CCDC88C: variants seen among roughly 807,000 people sequenced by gnomAD.
CCDC88C encodes the protein coiled-coil and HOOK domain protein 88C.
CCDC88C carries 131 observed loss-of-function variants against 198.8 expected under a neutral mutation model. The ratio of observed to expected loss-of-function variants is 0.66; its 90% CI spans 0.57 to 0.76. The LOEUF (loss-of-function observed/expected upper bound fraction) is 0.76, where lower values mean the gene tolerates loss of function less well. Ranked by LOEUF, CCDC88C falls within the 30% of genes least tolerant of loss-of-function variation. The probability of loss-of-function intolerance (pLI) is 0.00; values close to 1 mark genes in which losing one functional copy is unlikely to be tolerated. For missense variants in CCDC88C, 2,553 were observed against 2,631.6 expected, an observed-to-expected ratio of 0.97 and a Z score of 0.65; for synonymous variants, 1,166 against 1,114.7, an observed-to-expected ratio of 1.05 and a Z score of -0.92.
rs777962433 is a variant in CCDC88C at position 91,273,723 on chromosome 14, G to T, written c.5059-70C>A. Reference sequence around the variant, plus strand: ...GTGGGTCCTTGGAGCCGCCTCCTGCGCGGGACGCCCCCGAGCAGCCCACGT... The same window carrying T: ...GTGGGTCCTTGGAGCCGCCTCCTGCTCGGGACGCCCCCGAGCAGCCCACGT... On this transcript the variant is annotated intron_variant, in intron 29 of 29. Coordinates refer to ENST00000389857, the MANE Select transcript of CCDC88C (RefSeq NM_001080414.4). This position sits in a 1 kb window ranked among gnomAD's most constrained non-coding sequence, Gnocchi z 5.6. The T allele has an allele frequency of 1.1e-5, 15 of 1,333,266 alleles. No individual in the cohort carries two copies. The highest frequency in any genetic ancestry group is 8.4e-5 in the Admixed American group (3 of 35,792). 82.6% of individuals were successfully genotyped at this position (1,333,266 alleles called of 1,614,324 possible).
chr14:91,347,368 G>A (rs990864303), intron 4 of CCDC88C, among the ~76,000 whole-genome samples: 1 of 152,210 alleles, frequency 6.6e-6, no homozygotes, highest in Admixed American at 6.5e-5. Flanking sequence ...AGGGAGGAAA[G>A]TGCTAGAGAG....
chr14:91,291,703 G>GGGCA (rs989444117), intron 23 of CCDC88C, among the ~76,000 whole-genome samples: 123 of 152,242 alleles, frequency 8.1e-4, no homozygotes, highest in African/African-American at 2.9e-3. Context: ...GAATGAACCA[G>GGGCA]GGCACAGTGG....
Position 91,281,561 on chromosome 14 carries a change from G to A in CCDC88C, c.4631-36C>T, listed in dbSNP as rs75450253. The A allele has an allele frequency of 9.5e-3, 15,188 of 1,594,318 alleles. 173 individuals carry two copies. The highest frequency in any genetic ancestry group is 0.021 in the South Asian group (1,879 of 90,538). On this transcript the variant is annotated intron_variant, in intron 26 of 29. Coordinates refer to ENST00000389857, the MANE Select transcript of CCDC88C (RefSeq NM_001080414.4). ...AATAAGGCTAGTGAGTCATGGTTAC[G>A]GAACATGCCTCATCCACAGGGAACC...
Position 91,338,883 on chromosome 14 carries a change from A to G in CCDC88C, c.810-313T>C. ...CAGCCAGGCTCCACAGGTGACATCC[A>G]TCAGCTGCAGGAAACCTGGGAGAAC... On this transcript the variant is annotated intron_variant, in intron 8 of 29. Coordinates refer to ENST00000389857, the MANE Select transcript of CCDC88C (RefSeq NM_001080414.4). The surrounding 1 kb of genome is among the most constrained non-coding windows in gnomAD (Gnocchi z 4.8). 1 of 478,836 alleles carries G rather than the reference A, an allele frequency of 2.1e-6. No individual in the cohort carries two copies. Among genetic ancestry groups the G allele is most frequent in the Non-Finnish European group, 3.8e-6 (1 of 260,992 alleles). The allele number at this position is 478,836 out of a possible 1,614,324, so 29.7% of individuals were successfully genotyped here. A position where few individuals can be genotyped will look rare whatever the true frequency, so the allele number is the denominator to read the frequency against.
intron 2 of CCDC88C, among the ~76,000 whole-genome samples, chr14:91,413,742 G>C (rs986016411): frequency 6.6e-6 from 1 of 152,198 alleles, no homozygotes; most frequent in Non-Finnish European, 1.5e-5. Flanking sequence ...AGCCTTCTCC[G>C]GTTGCCGGAG....
Position 91,273,491 on chromosome 14 carries a change from C to A in CCDC88C, c.5221G>T (p.Glu1741Ter). The change falls in exon 30 of 30, where the codon GAG (glutamate) becomes TAG (stop). Residue 1741 changes from glutamate to a stop codon, truncating the protein, a stop_gained. Coordinates refer to ENST00000389857, the MANE Select transcript of CCDC88C (RefSeq NM_001080414.4). LOFTEE classifies it low-confidence loss of function (END_TRUNC). This position sits in a 1 kb window ranked among gnomAD's most constrained non-coding sequence, Gnocchi z 5.6. ...TGCCCGGGCTTCAGCGGCCTCCCCT[C>A]CGAGGTGGGGGCGGCCATTTTGACG... ...PTVKMAAPTS[E>*]GRPLKPGQYV... is the part of the protein sequence containing the mutation. The A allele has an allele frequency of 6.4e-7, 1 of 1,554,870 alleles. No homozygotes were observed. The highest frequency in any genetic ancestry group is 8.7e-7 in the Non-Finnish European group (1 of 1,148,682).
intron 3 of CCDC88C, among the ~76,000 whole-genome samples, chr14:91,382,240 A>G (rs1384415455): frequency 6.6e-6 from 1 of 152,084 alleles, no homozygotes; most frequent in Non-Finnish European, 1.5e-5. Context: ...CACAAATCTC[A>G]ACGCAGAGGC....
Position 91,325,279 on chromosome 14 carries a change from C to G in CCDC88C, c.1198-356G>C, listed in dbSNP as rs1013676342. Among the ~76,000 whole-genome samples the G allele has an allele frequency of 6.6e-6, 1 of 152,188 alleles. No individual in the cohort carries two copies. The highest frequency in any genetic ancestry group is 2.4e-5 in the African/African-American group (1 of 41,438). ...CCTAACAGGCCTCTAAAGCTGTTAA[C>G]AGGCTAACAAATCACAGCTCACCCC... On this transcript the variant is annotated intron_variant, in intron 11 of 29. Coordinates refer to ENST00000389857, the MANE Select transcript of CCDC88C (RefSeq NM_001080414.4). This position sits in a 1 kb window ranked among gnomAD's most constrained non-coding sequence, Gnocchi z 4.1.
At chr14:91,306,097 G>A (rs966114653) in intron 18 of CCDC88C, among the ~76,000 whole-genome samples, 171 bp from the exon 19 acceptor site, 6 of 152,190 alleles carry the variant, frequency 3.9e-5, no homozygotes, top group East Asian at 1.9e-4. Flanking sequence ...TAATCAGCAG[G>A]ATTTTTTTTA....
intron 3 of CCDC88C, among the ~76,000 whole-genome samples, chr14:91,406,085 C>T (rs1313126293): frequency 1.3e-5 from 2 of 152,174 alleles, no homozygotes; most frequent in Non-Finnish European, 2.9e-5. Context: ...CCATCTTTTA[C>T]TTTGTGTGGC....
intron 16 of CCDC88C, among the ~76,000 whole-genome samples, chr14:91,309,201 C>A (rs1245879539): frequency 6.6e-6 from 1 of 152,244 alleles, no homozygotes; most frequent in East Asian, 1.9e-4. Context: ...CCACTGCACT[C>A]CTGCCTGGAT....
chr14:91,392,210 G>C (rs1885549424), intron 3 of CCDC88C, among the ~76,000 whole-genome samples: 1 of 152,074 alleles, frequency 6.6e-6, no homozygotes, highest in African/African-American at 2.4e-5. Context: ...TACCTAGGAG[G>C]AGTTCAAACA....
Position 91,313,113 on chromosome 14 carries a change from G to A in CCDC88C, c.2703C>T (p.Thr901=), listed in dbSNP as rs779189748. 18 of 1,600,926 alleles carry A rather than the reference G, an allele frequency of 1.1e-5. No homozygotes were observed. Among genetic ancestry groups the A allele is most frequent in the South Asian group, 2.2e-5 (2 of 90,228 alleles). The change falls in exon 15 of 30, where the codon ACC becomes ACT. Residue 901 remains threonine, a synonymous_variant. Coordinates refer to ENST00000389857, the MANE Select transcript of CCDC88C (RefSeq NM_001080414.4). The surrounding 1 kb of genome is among the most constrained non-coding windows in gnomAD (Gnocchi z 5.2). The part of the protein sequence containing the change: ...KDNRDLTKQV[T]VHARTLTTLR... ...GAGTTGTCAGTGTCCTTGCATGCAC[G>A]GTGACTTGCTTGGTGAGGTCCCGGT...
chr14:91,344,515 CTTT>C (rs796660357), intron 4 of CCDC88C, among the ~76,000 whole-genome samples: 1 of 142,966 alleles, frequency 7.0e-6, no homozygotes, highest in African/African-American at 2.6e-5. Flanking sequence ...TAAAGCCATC[CTTT>C]TTTTTTTTTT....
intron 24 of CCDC88C, among the ~76,000 whole-genome samples, chr14:91,289,902 G>C (rs188852635): frequency 5.3e-5 from 8 of 152,136 alleles, no homozygotes; most frequent in Admixed American, 1.3e-4. Context: ...TCTCTGAAAC[G>C]AAACAGCATC....
At chr14:91,315,590 C>T (rs1303316934) in intron 14 of CCDC88C, 60 bp downstream of exon 14, 3 of 1,594,608 alleles carry the variant, frequency 1.9e-6, no homozygotes, top group African/African-American at 2.7e-5. Flanking sequence ...GGCTGTAATC[C>T]CGGCTCTCCG....
chr14:91,350,995 ATT>A (rs1893759459), intron 4 of CCDC88C, among the ~76,000 whole-genome samples: 1 of 151,942 alleles, frequency 6.6e-6, no homozygotes, highest in African/African-American at 2.4e-5. Flanking sequence ...CTCCTAACTT[ATT>A]TATGTTTCCT....
intron 3 of CCDC88C, among the ~76,000 whole-genome samples, chr14:91,390,110 A>C (rs1885413745): frequency 6.6e-6 from 1 of 151,152 alleles, no homozygotes; most frequent in Non-Finnish European, 1.5e-5. Context: ...AAAAAAAAAG[A>C]GAAAATATAA....
intron 1 of CCDC88C, 66 bp downstream of exon 1, chr14:91,417,565 G>A: frequency 6.8e-7 from 1 of 1,465,082 alleles, no homozygotes; most frequent in Non-Finnish European, 9.3e-7. Flanking sequence ...GGTCTGCGGC[G>A]TCCCGTCGCC....
Sources: gnomAD v4.1 joint callset for allele counts (sites outside exome capture counted in the v4.1 genomes callset) on GRCh38, gnomAD v4.1.1 for gene constraint, Gnocchi (gnomAD v3.1) non-coding constraint, MANE v1.5 for transcripts, NCBI Gene and HGNC (gene_info 2026-07-23, HGNC 2026-07-21) for gene names.